HMCN2: variants seen among roughly 807,000 people sequenced by gnomAD.
The protein encoded by HMCN2 is hemicentin 2.
Under a neutral mutation model 377.5 loss-of-function variants are expected in HMCN2, and 325 were observed. That is an observed-to-expected ratio of 0.86 (90% CI 0.79 to 0.94). HMCN2 has a LOEUF of 0.94. HMCN2 is among the 40% of genes least tolerant of loss of function. The probability of loss-of-function intolerance (pLI) is 0.00; values close to 1 mark genes in which losing one functional copy is unlikely to be tolerated. For missense variants in HMCN2, 4,543 were observed against 4,725.3 expected (o/e 0.96, Z 1.13); for synonymous variants, 2,007 against 2,046.8 (o/e 0.98, Z 0.53).
At chr9:130,283,285 T>C (rs546815250) in intron 1 of HMCN2, among the ~76,000 whole-genome samples, 396 of 152,214 alleles carry the variant, frequency 2.6e-3, no homozygotes, top group African/African-American at 8.6e-3. Context: ...AAAAACTCTT[T>C]GTTAGTGAAC....
At position 130,384,909 on chromosome 9, in the gene HMCN2, G is replaced by A. The variant is rs1161858194; in HGVS notation, c.9106+111G>A. ...GAGAGGGCCAGGAGGCACAGGGGGA[G>A]GCTGGGACGCCCGCACAGATCAGCT... On this transcript the variant is annotated intron_variant, in intron 59 of 97. Transcript: ENST00000683500. 1.5e-5 allele frequency: 10 copies of A among 665,324 alleles called. No homozygotes were observed. The Admixed American group carries it at 2.5e-4, about 16-fold the overall frequency. The allele number at this position is 665,324 out of a possible 1,614,324, so 41.2% of individuals were successfully genotyped here.
At position 130,432,517 on chromosome 9, in the gene HMCN2, A is replaced by G. The variant is rs554359156; in HGVS notation, c.14856A>G (p.Thr4952=). 15 of 1,550,554 alleles carry G rather than the reference A, an allele frequency of 9.7e-6. No homozygotes were observed. In the East Asian group the frequency reaches 3.7e-4, roughly 38 times the overall value. ...NTRGSYQCVD[T]PCPATYRQGP... ...GTGGCAGCTACCAGTGTGTGGACAC[A>G]CCCTGTCCTGCCACCTACCGGCAGG... The change falls in exon 97 of 98, where the codon ACA becomes ACG. Residue 4952 remains threonine (T), a synonymous_variant. Transcript: ENST00000683500.
chr9:130,385,994 GCCTCGGTTT>G (rs1404682825), intron 60 of HMCN2, among the ~76,000 whole-genome samples: 1 of 152,162 alleles, frequency 6.6e-6, no homozygotes, highest in East Asian at 1.9e-4. Flanking sequence ...AGCCCTTCCT[GCCTCGGTTT>G]CCTCAGCATC....
rs1050311134 is a variant in HMCN2, at chr9:130,382,824, G to A, written c.8691G>A (p.Pro2897=). Reference sequence around the variant, plus strand: ...TCCAGAATGGGCTGCCTTTCTCCCCGAGCCCACGGCTGCAGGTCCTGGAGG... The same window carrying A: ...TCCAGAATGGGCTGCCTTTCTCCCCAAGCCCACGGCTGCAGGTCCTGGAGG... ...SWLQNGLPFS[P]SPRLQVLEDG... The change falls in exon 56 of 98, where the codon CCG becomes CCA. Residue 2897 remains proline (P), a synonymous_variant. Transcript: ENST00000683500. The A allele has an allele frequency of 8.1e-6, 8 of 985,780 alleles. No individual in the cohort carries two copies. Among genetic ancestry groups the A allele is most frequent in the African/African-American group, 7.0e-5 (4 of 57,244 alleles). The allele number at this position is 985,780 out of a possible 1,614,324, so 61.1% of individuals were successfully genotyped here.
chr9:130,340,871 T>C (rs954583843), intron 23 of HMCN2, among the ~76,000 whole-genome samples: 6 of 152,188 alleles, frequency 3.9e-5, no homozygotes, highest in Admixed American at 1.3e-4. Flanking sequence ...CAGAGGGATA[T>C]ACAAGCTCAG....
Position 130,356,166 on chromosome 9 carries a change from C to T in HMCN2, c.5334C>T (p.Asp1778=). 1 of 1,303,096 alleles carries T rather than the reference C, an allele frequency of 7.7e-7. No homozygotes were observed. Among genetic ancestry groups the T allele is most frequent in the Non-Finnish European group, 1.0e-6 (1 of 988,856 alleles). 80.7% of individuals were successfully genotyped at this position (1,303,096 alleles called of 1,614,324 possible). A position where few individuals can be genotyped will look rare whatever the true frequency, so the allele number is the denominator to read the frequency against. ...CGCAGGGGACCACACTGCACATTGA[C>T]CATGTGGAGCTGGACCACTCAGGCC... ...VASQGTTLHI[D]HVELDHSGLF... The change falls in exon 34 of 98, where the codon GAC becomes GAT. Residue 1778 remains aspartate (D), a synonymous_variant. Transcript: ENST00000683500.
chr9:130,300,071 C>T (rs1341627786), intron 8 of HMCN2, among the ~76,000 whole-genome samples: 2 of 150,618 alleles, frequency 1.3e-5, no homozygotes, highest in Non-Finnish European at 3.0e-5. Context: ...ACCCATCTAT[C>T]CACTCACCCA....
rs536440413 is a variant in HMCN2, at chr9:130,309,340, C to G, written c.2201-572C>G. ...ACCAGCCTGGCCAACATGGTGAAAC[C>G]CTGTCTCCACCAAAAATATAAAAAA... On this transcript the variant is annotated intron_variant, in intron 14 of 97. Transcript: ENST00000683500. Among the ~76,000 whole-genome samples, 4 of 151,694 alleles carry G rather than the reference C, an allele frequency of 2.6e-5. No homozygotes were observed. In the South Asian group the frequency reaches 6.3e-4, roughly 24 times the overall value.
rs185581578 is a variant in HMCN2, at chr9:130,308,452, C to T, written c.2200+886C>T. 5.3e-5 allele frequency among the ~76,000 whole-genome samples: 8 copies of T among 152,234 alleles called. No individual in the cohort carries two copies. The highest frequency in any genetic ancestry group is 2.1e-4 in the South Asian group (1 of 4,820). On this transcript the variant is annotated intron_variant, in intron 14 of 97. Coordinates refer to ENST00000683500, the MANE Select transcript of HMCN2 (RefSeq NM_001291815.2). The surrounding 1 kb of genome is among the most constrained non-coding windows in gnomAD (Gnocchi z 4.1). ...GAGTTTGACGGACGGGTGCTGGGGTCGCACTAGGTCTTTCTGGGAGCAGTA... is the reference window on the plus strand; with the variant it reads ...GAGTTTGACGGACGGGTGCTGGGGTTGCACTAGGTCTTTCTGGGAGCAGTA...
Position 130,308,907 on chromosome 9 carries a change from G to A in HMCN2, c.2201-1005G>A, listed in dbSNP as rs1223777693. 2.0e-5 allele frequency among the ~76,000 whole-genome samples: 3 copies of A among 152,200 alleles called. No individual in the cohort carries two copies. Among genetic ancestry groups the A allele is most frequent in the Middle Eastern group, 3.2e-3 (1 of 316 alleles). On this transcript the variant is annotated intron_variant, in intron 14 of 97. Transcript: ENST00000683500. The surrounding 1 kb of genome is among the most constrained non-coding windows in gnomAD (Gnocchi z 4.1). ...CTAGAGATGTCAAATTCATAGAGAC[G>A]AAAAGATGGAGTGGTGTTCGCCAGG...
chr9:130,421,682 A>C (rs1275147756), intron 86 of HMCN2, among the ~76,000 whole-genome samples: 1 of 152,066 alleles, frequency 6.6e-6, no homozygotes, highest in Non-Finnish European at 1.5e-5. Flanking sequence ...TGTCCCTCCC[A>C]TGGGCCCCAG....
chr9:130,427,472 A>G, intron 91 of HMCN2, 25 bp from the exon 92 acceptor site: 1 of 1,550,186 alleles, frequency 6.5e-7, no homozygotes, highest in South Asian at 1.2e-5. Context: ...GGGAGCGGAG[A>G]CCACCAGACC....
intron 25 of HMCN2, among the ~76,000 whole-genome samples, chr9:130,344,391 G>A (rs1434818638): frequency 6.6e-6 from 1 of 151,186 alleles, no homozygotes; most frequent in Non-Finnish European, 1.5e-5. Context: ...TGGCATGTAT[G>A]TTGTATAGTG....
chr9:130,339,561 C>T (rs1397067386), intron 23 of HMCN2, among the ~76,000 whole-genome samples: 2 of 152,206 alleles, frequency 1.3e-5, no homozygotes, highest in Non-Finnish European at 2.9e-5. Context: ...GTGCTGCTGA[C>T]TGGCTGTGTG....
chr9:130,277,685 C>CCATCAT, intron 1 of HMCN2, among the ~76,000 whole-genome samples: 1 of 150,714 alleles, frequency 6.6e-6, no homozygotes, highest in East Asian at 2.0e-4. Flanking sequence ...ACTATTACCA[C>CCATCAT]CATCATCATC....
chr9:130,388,403 C>T lies in HMCN2; in HGVS notation c.9392-6C>T, dbSNP rs1842127433. On this transcript the variant is annotated splice_polypyrimidine_tract_variant and splice_region_variant and intron_variant, in intron 61 of 97. Transcript: ENST00000683500. The stretch of plus-strand genomic sequence containing the variant: ...GAATTCTGACAGTCTGGCTTTCTTC[C>T]TGCAGTGCCCCCAACATTTGAGAAC... The T allele has an allele frequency of 1.0e-6, 1 of 987,854 alleles. No homozygotes were observed. Among genetic ancestry groups the T allele is most frequent in the African/African-American group, 1.7e-5 (1 of 57,282 alleles). The allele number at this position is 987,854 out of a possible 1,614,324, so 61.2% of individuals were successfully genotyped here.
At chr9:130,307,335 C>T (rs966443928) in intron 13 of HMCN2, 118 bp from the exon 14 acceptor site, 5 of 441,846 alleles carry the variant, frequency 1.1e-5, no homozygotes, top group Non-Finnish European at 2.4e-5. Context: ...GCTCCAGGGG[C>T]AGCAAGGAGG....
intron 1 of HMCN2, among the ~76,000 whole-genome samples, chr9:130,283,712 C>A (rs1212497557): frequency 1.3e-5 from 2 of 152,156 alleles, no homozygotes; most frequent in African/African-American, 2.4e-5. Context: ...GCTTCTCTCG[C>A]GTGGGAGGTG....
At chr9:130,415,541 T>C (rs1843638918) in intron 85 of HMCN2, among the ~76,000 whole-genome samples, 1 of 152,210 alleles carries the variant, frequency 6.6e-6, no homozygotes, top group South Asian at 2.1e-4. Flanking sequence ...GGTCTTGCTA[T>C]GTTGCCCAGG....
Sources: gnomAD v4.1 joint callset for allele counts (sites outside exome capture counted in the v4.1 genomes callset) on GRCh38, gnomAD v4.1.1 for gene constraint, Gnocchi (gnomAD v3.1) non-coding constraint, MANE v1.5 for transcripts, NCBI Gene and HGNC (gene_info 2026-07-23, HGNC 2026-07-21) for gene names.